Variants in SLCO3A1 observed in about 807,000 individuals in gnomAD.
The protein encoded by SLCO3A1 is solute carrier organic anion transporter family member 3A1, also known as PGE1 transporter.
Under a neutral mutation model 63.1 loss-of-function variants are expected in SLCO3A1, and 27 were observed. The ratio of observed to expected loss-of-function variants is 0.43; its 90% CI spans 0.32 to 0.59. SLCO3A1 has a LOEUF of 0.59. Among genes scored for constraint, SLCO3A1 ranks in the 20% least tolerant of loss-of-function variants. The pLI, the probability that SLCO3A1 is intolerant of heterozygous loss-of-function variation, is 0.09. For synonymous variants in SLCO3A1, 473 were observed against 409.9 expected (o/e 1.15, Z -1.86); for missense variants, 773 against 945.8 (o/e 0.82, Z 2.40).
intron 2 of SLCO3A1, among the ~76,000 whole-genome samples, chr15:92,089,801 A>G (rs1455883536): frequency 6.6e-6 from 1 of 152,150 alleles, no homozygotes; most frequent in East Asian, 1.9e-4. Flanking sequence ...GTATACCTAG[A>G]CTAATCTGTC....
At chr15:91,987,404 C>A (rs970615863) in intron 2 of SLCO3A1, among the ~76,000 whole-genome samples, 2 of 152,102 alleles carry the variant, frequency 1.3e-5, no homozygotes, top group African/African-American at 4.8e-5. Context: ...AGACAAAGTT[C>A]TTGCTCTCTT....
intron 2 of SLCO3A1, among the ~76,000 whole-genome samples, chr15:92,086,919 G>A (rs1459739738): frequency 6.6e-6 from 1 of 151,266 alleles, no homozygotes. Flanking sequence ...GACGGCAGAG[G>A]TTCCAGTGAG....
intron 2 of SLCO3A1, among the ~76,000 whole-genome samples, chr15:92,052,665 T>G (rs1203093962): frequency 1.3e-5 from 2 of 152,212 alleles, no homozygotes; most frequent in Non-Finnish European, 2.9e-5. Context: ...TCCAAGTTCT[T>G]GTCTTTCCCT....
intron 1 of SLCO3A1, among the ~76,000 whole-genome samples, chr15:91,880,401 C>CTGTGTGTGTGTGTGTGTG (rs796110200): frequency 1.0e-3 from 137 of 133,448 alleles, no homozygotes; most frequent in Middle Eastern, 3.8e-3. Context: ...CTCTCTCTCT[C>CTGTGTGTGTGTGTGTGTG]TCTCTCTCTG....
intron 1 of SLCO3A1, among the ~76,000 whole-genome samples, chr15:91,913,015 T>C (rs1898533250): frequency 6.6e-6 from 1 of 152,252 alleles, no homozygotes; most frequent in Non-Finnish European, 1.5e-5. Context: ...CGAAGGAAAG[T>C]AGTAAATAAA....
In SLCO3A1 at chr15:92,164,262, A is replaced by G. The variant is rs1191859204; in HGVS notation, c.*1127A>G. ...AACCTATTGTAATTTTCATCATTTT[A>G]TCCTCATTCGAATATTCTACAAAAA... is the stretch of plus-strand genomic sequence containing the variant. On this transcript the variant is annotated 3_prime_UTR_variant, in exon 10 of 10. Coordinates refer to ENST00000318445, the MANE Select transcript of SLCO3A1 (RefSeq NM_013272.4). 3.0e-6 allele frequency: 3 copies of G among 984,062 alleles called. No homozygotes were observed. In the East Asian group the frequency reaches 3.4e-4, roughly 111 times the overall value. 61.0% of individuals were successfully genotyped at this position (984,062 alleles called of 1,614,324 possible). A position where few individuals can be genotyped will look rare whatever the true frequency, so the allele number is the denominator to read the frequency against.
intron 3 of SLCO3A1, among the ~76,000 whole-genome samples, chr15:92,096,266 G>A (rs2047537953): frequency 6.6e-6 from 1 of 152,190 alleles, no homozygotes; most frequent in Non-Finnish European, 1.5e-5. Context: ...GAAGGTGAGA[G>A]AGAGCACCTG....
At chr15:91,959,372 A>T (rs1331742681) in intron 2 of SLCO3A1, among the ~76,000 whole-genome samples, 1 of 152,100 alleles carries the variant, frequency 6.6e-6, no homozygotes, top group Admixed American at 6.5e-5. Context: ...AGAACTGACC[A>T]CTAAAGAACT....
At chr15:92,124,857 G>A (rs1184339955) in intron 5 of SLCO3A1, among the ~76,000 whole-genome samples, 3 of 152,130 alleles carry the variant, frequency 2.0e-5, no homozygotes, top group Non-Finnish European at 2.9e-5. Flanking sequence ...CACGTGCAAA[G>A]CCTGGGGAAG....
intron 8 of SLCO3A1, among the ~76,000 whole-genome samples, chr15:92,148,328 A>G (rs945962356): frequency 2.0e-5 from 3 of 152,210 alleles, no homozygotes; most frequent in Non-Finnish European, 4.4e-5. Context: ...CCCAGTGTCC[A>G]TGCACCTCAC....
intron 2 of SLCO3A1, among the ~76,000 whole-genome samples, chr15:92,079,062 G>A (rs1185359529): frequency 2.0e-5 from 3 of 152,204 alleles, no homozygotes; most frequent in Non-Finnish European, 4.4e-5. Flanking sequence ...CAGCGATAAT[G>A]AGTAAAATGG....
chr15:92,042,449 G>A (rs536765496), intron 2 of SLCO3A1, among the ~76,000 whole-genome samples: 10 of 152,276 alleles, frequency 6.6e-5, no homozygotes, highest in Non-Finnish European at 1.0e-4. Context: ...ATGTAGGAAC[G>A]AGGCTGTATG....
rs1412457538 is a variant in SLCO3A1 at position 91,963,378 on chromosome 15, C to G, written c.646+46920C>G. On this transcript the variant is annotated intron_variant, in intron 2 of 9. Transcript: ENST00000318445. ...AGGGAGACCAGGCCTGCCACAGTTT[C>G]TCTCTCGTGAGGGTTTAACTCGGGG... Among the ~76,000 whole-genome samples, 15 of 91,996 alleles carry G rather than the reference C, an allele frequency of 1.6e-4. No individual in the cohort carries two copies. In the Admixed American group the frequency reaches 2.5e-3, roughly 15 times the overall value. The allele number at this position is 91,996 out of a possible 152,430, so 60.4% of individuals were successfully genotyped here.
chr15:91,877,085 T>G (rs985647660), intron 1 of SLCO3A1, among the ~76,000 whole-genome samples: 2 of 152,244 alleles, frequency 1.3e-5, no homozygotes, highest in African/African-American at 4.8e-5. Flanking sequence ...GTGCAACTTA[T>G]GTGACTTGAT....
chr15:92,157,465 C>A (rs1279232549), intron 9 of SLCO3A1, among the ~76,000 whole-genome samples: 1 of 151,724 alleles, frequency 6.6e-6, no homozygotes, highest in Non-Finnish European at 1.5e-5. Context: ...CCTGATTATC[C>A]TCTAAAACTT....
At chr15:92,156,228 G>C (rs1381215393) in intron 9 of SLCO3A1, among the ~76,000 whole-genome samples, 3 of 152,208 alleles carry the variant, frequency 2.0e-5, no homozygotes, top group African/African-American at 7.2e-5. Context: ...CCCCAGGTGA[G>C]AGATGAGAGG....
At chr15:92,013,523 G>A (rs1050262806) in intron 2 of SLCO3A1, among the ~76,000 whole-genome samples, 3 of 152,204 alleles carry the variant, frequency 2.0e-5, no homozygotes, top group African/African-American at 7.2e-5. Flanking sequence ...GAGGAGCACA[G>A]CACAGGGAGC....
rs1898674706 is a variant in SLCO3A1, at chr15:91,916,715, C to T, written c.646+257C>T. Among the ~76,000 whole-genome samples the T allele has an allele frequency of 6.6e-6, 1 of 152,198 alleles. No homozygotes were observed. Among genetic ancestry groups the T allele is most frequent in the Non-Finnish European group, 1.5e-5 (1 of 68,036 alleles). On this transcript the variant is annotated intron_variant, in intron 2 of 9. Transcript: ENST00000318445. The surrounding 1 kb of genome is among the most constrained non-coding windows in gnomAD (Gnocchi z 6.2). ...CACTAACACCGCTTCAGTGGGAAAA[C>T]ATGATCGGGAGGAGTTGTATGTTTA...
Position 91,872,034 on chromosome 15 carries a change from A to G in SLCO3A1, c.180+17946A>G, listed in dbSNP as rs1168279491. Among the ~76,000 whole-genome samples the G allele has an allele frequency of 6.6e-6, 1 of 152,136 alleles. No individual in the cohort carries two copies. Among genetic ancestry groups the G allele is most frequent in the Non-Finnish European group, 1.5e-5 (1 of 68,020 alleles). On this transcript the variant is annotated intron_variant, in intron 1 of 9. Transcript: ENST00000318445. This position sits in a 1 kb window ranked among gnomAD's most constrained non-coding sequence, Gnocchi z 4.1. ...CATTGTTTTGCTTTTCAGAATTACA[A>G]AATGGGATGATGAGTTCAAGGGATT...
Sources: allele counts gnomAD v4.1 joint callset (sites outside exome capture counted in the v4.1 genomes callset), GRCh38; gene constraint gnomAD v4.1.1; non-coding constraint Gnocchi (gnomAD v3.1); transcripts MANE v1.5; gene names NCBI Gene and HGNC (gene_info 2026-07-23, HGNC 2026-07-21).